The following VXN variants were observed in gnomAD, a reference collection of about 807,000 sequenced individuals.
The protein encoded by VXN is vexin, also known as uncharacterized protein C8orf46.
In VXN, 7 loss-of-function variants were observed where a neutral mutation model predicts 23.1. The ratio of observed to expected loss-of-function variants is 0.30; its 90% CI spans 0.17 to 0.57. The LOEUF is 0.57. Ranked by LOEUF, VXN falls within the 20% of genes least tolerant of loss-of-function variation. The probability of loss-of-function intolerance (pLI) is 0.91; values close to 1 mark genes in which losing one functional copy is unlikely to be tolerated. For synonymous variants in VXN, 120 were observed against 105.8 expected (o/e 1.13, Z -0.83); for missense variants, 238 against 272.6 (o/e 0.87, Z 0.89).
intron 2 of VXN, among the ~76,000 whole-genome samples, chr8:66,503,979 C>G (rs1291914531): frequency 6.6e-6 from 1 of 152,236 alleles, no homozygotes; most frequent in African/African-American, 2.4e-5. Flanking sequence ...TCATTTCCTG[C>G]TACTGGCATC....
intron 3 of VXN, 72 bp downstream of exon 3, chr8:66,505,600 C>A (rs148033818): frequency 2.1e-6 from 3 of 1,414,434 alleles, no homozygotes; most frequent in Non-Finnish European, 2.8e-6. Flanking sequence ...ACCACAAGCC[C>A]AGGTCAGGGC....
Position 66,513,598 on chromosome 8 carries a change from C to T in VXN, c.401C>T (p.Thr134Ile). ...TCAGCCTCTGCCTCATTGGAGGCGA[C>T]AGCCATGGGCACAGAGAAGGGAGCT... ...KTSASASLEA[T>I]AMGTEKGAVL... Residue 134 changes from threonine (T) to isoleucine (I), a missense_variant, in exon 5 of 6, where the codon ACA becomes ATA. By Grantham distance (89) the Thr-to-Ile change is moderately conservative (BLOSUM62 -1). Transcript: ENST00000305454. 6.2e-7 allele frequency: 1 copy of T among 1,614,180 alleles called. No homozygotes were observed. Among genetic ancestry groups the T allele is most frequent in the South Asian group, 1.1e-5 (1 of 91,080 alleles).
rs561811742 is a variant in VXN, at chr8:66,515,993, G to A, written c.541G>A (p.Gly181Ser). ...AGGCAGTGCTTCCTGCGGCGTCCCC[G>A]GCATCCTCCGGAAAATGTGGACAAG... ...LTGSASCGVP[G>S]ILRKMWTRHK... Residue 181 changes from glycine (G) to serine (S), a missense_variant, in exon 6 of 6, where the codon GGC (glycine) becomes AGC (serine). Physicochemically the swap from Gly to Ser is moderately conservative, Grantham distance 56 (BLOSUM62 0). Transcript: ENST00000305454. 4.1e-5 allele frequency: 66 copies of A among 1,613,830 alleles called. 1 individual carries two copies. In the South Asian group the frequency reaches 5.7e-4, roughly 14 times the overall value.
Position 66,513,520 on chromosome 8 carries a change from CT to C in VXN, c.343-19del. 1.9e-6 allele frequency: 3 copies of C among 1,608,038 alleles called. No individual in the cohort carries two copies. Among genetic ancestry groups the C allele is most frequent in the Non-Finnish European group, 2.6e-6 (3 of 1,174,496 alleles). Reference sequence around the variant, plus strand: ...GAAGGCAGATGCATCCTCACACTCCCTCCCGCTTCCTCATGACAGATACCGC... The same window carrying C: ...GAAGGCAGATGCATCCTCACACTCCCCCCGCTTCCTCATGACAGATACCGC... On this transcript the variant is annotated intron_variant, in intron 4 of 5. Coordinates refer to ENST00000305454, the MANE Select transcript of VXN (RefSeq NM_152765.4).
intron 5 of VXN, 150 bp downstream of exon 5, chr8:66,513,787 AAT>A (rs1422311919): frequency 5.0e-6 from 3 of 604,832 alleles, no homozygotes; most frequent in Non-Finnish European, 8.7e-6. Context: ...TAATGAGGCC[AAT>A]AATCCTGGGT....
At chr8:66,513,459 C>A in intron 4 of VXN, 81 bp from the exon 5 acceptor site, 1 of 1,148,480 alleles carries the variant, frequency 8.7e-7, no homozygotes, top group Non-Finnish European at 1.3e-6. Flanking sequence ...ATTCAGTCCC[C>A]CCACTTGCAG....
chr8:66,498,511 C>A (rs1171898022), intron 2 of VXN, among the ~76,000 whole-genome samples: 2 of 152,168 alleles, frequency 1.3e-5, no homozygotes, highest in African/African-American at 4.8e-5. Context: ...AGTAGTCCCC[C>A]CCTTATCTGC....
intron 5 of VXN, 122 bp downstream of exon 5, chr8:66,513,759 C>T: frequency 1.5e-6 from 1 of 680,056 alleles, no homozygotes; most frequent in Non-Finnish European, 2.5e-6. Flanking sequence ...AAACCCATGC[C>T]AGCTGCAAAT....
chr8:66,511,006 C>G (rs1807815558), intron 4 of VXN, among the ~76,000 whole-genome samples: 1 of 152,196 alleles, frequency 6.6e-6, no homozygotes, highest in Non-Finnish European at 1.5e-5. Context: ...CCTTCTCACT[C>G]CATCAAGGCA....
intron 5 of VXN, chr8:66,514,316 C>G (rs1807860006): frequency 6.6e-6 from 1 of 152,300 alleles, no homozygotes; most frequent in Admixed American, 6.5e-5. Context: ...ACCAACCCAC[C>G]ACGACTTCAG....
chr8:66,500,451 G>C (rs1784769857), intron 2 of VXN, among the ~76,000 whole-genome samples: 1 of 152,112 alleles, frequency 6.6e-6, no homozygotes, highest in Non-Finnish European at 1.5e-5. Context: ...TCTTTTCATA[G>C]ATGTATTGAT....
At chr8:66,511,804 C>G (rs898235032) in intron 4 of VXN, among the ~76,000 whole-genome samples, 13 of 152,116 alleles carry the variant, frequency 8.5e-5, no homozygotes, top group African/African-American at 3.1e-4. Flanking sequence ...CAGTGGCTCA[C>G]AGCTGTAATC....
chr8:66,502,513 C>T (rs776069901), intron 2 of VXN, among the ~76,000 whole-genome samples: 4 of 152,038 alleles, frequency 2.6e-5, no homozygotes, highest in Non-Finnish European at 5.9e-5. Context: ...TTTGGGAGGC[C>T]GAGGCAGGTG....
intron 4 of VXN, among the ~76,000 whole-genome samples, chr8:66,512,376 CT>C (rs1176995869): frequency 6.6e-6 from 1 of 152,204 alleles, no homozygotes; most frequent in Non-Finnish European, 1.5e-5. Context: ...GGCACAGCAG[CT>C]CTGCCCACAG....
At chr8:66,513,287 C>T (rs1807845906) in intron 4 of VXN, among the ~76,000 whole-genome samples, 2 of 152,228 alleles carry the variant, frequency 1.3e-5, no homozygotes, top group Admixed American at 1.3e-4. Context: ...GGACTAGCAG[C>T]ACCAGCACAC....
intron 2 of VXN, among the ~76,000 whole-genome samples, chr8:66,504,451 A>G (rs1300224606): frequency 2.0e-5 from 3 of 151,476 alleles, no homozygotes; most frequent in Non-Finnish European, 4.4e-5. Context: ...CCTATGTATA[A>G]ACATGCAGGA....
intron 4 of VXN, among the ~76,000 whole-genome samples, chr8:66,511,664 G>T (rs760852101): frequency 6.6e-6 from 1 of 152,242 alleles, no homozygotes; most frequent in Non-Finnish European, 1.5e-5. Context: ...CCTTAAGCTG[G>T]CTTCAGACAG....
chr8:66,503,597 C>T (rs1322715937), intron 2 of VXN: 2 of 152,220 alleles, frequency 1.3e-5, no homozygotes, highest in Non-Finnish European at 2.9e-5. Flanking sequence ...AGTTTGCTGA[C>T]CTAAGAAAGG....
intron 2 of VXN, chr8:66,505,079 G>A: frequency 2.0e-6 from 1 of 508,988 alleles, no homozygotes; most frequent in Non-Finnish European, 3.6e-6. Flanking sequence ...CTGGCCTGAT[G>A]GCCCAGGCTC....
Sources: gnomAD v4.1 joint callset for allele counts (sites outside exome capture counted in the v4.1 genomes callset) on GRCh38, gnomAD v4.1.1 for gene constraint, MANE v1.5 for transcripts, NCBI Gene and HGNC (gene_info 2026-07-23, HGNC 2026-07-21) for gene names.